Variants in NINJ2 observed in about 807,000 individuals in gnomAD.
The protein encoded by NINJ2 is ninjurin 2.
A neutral mutation model predicts 11.7 loss-of-function variants in NINJ2; 12 were observed. The ratio of observed to expected loss-of-function variants is 1.02; its 90% confidence interval spans 0.66 to 1.66. The LOEUF (loss-of-function observed/expected upper bound fraction) is 1.66, where lower values mean the gene tolerates loss of function less well. Ranked by LOEUF, NINJ2 falls within the 40% of genes most tolerant of loss-of-function variation. NINJ2 has a pLI of 0.00. For synonymous variants in NINJ2, 93 were observed against 76.8 expected (o/e 1.21, Z -1.10); for missense variants, 187 against 181.8 (o/e 1.03, Z -0.16).
rs149695710 is a variant in NINJ2, at chr12:657,315, C to T, written c.33+6013G>A. On this transcript the variant is annotated intron_variant, in intron 1 of 3. Coordinates refer to ENST00000305108, the MANE Select transcript of NINJ2 (RefSeq NM_016533.6). Reference sequence around the variant, plus strand: ...TCAACAACAAGAAAATAAGGCCGGGCGCAGTGGCTCACACCTGTAATCCCA... The same window carrying T: ...TCAACAACAAGAAAATAAGGCCGGGTGCAGTGGCTCACACCTGTAATCCCA... Among the ~76,000 whole-genome samples the T allele has an allele frequency of 7.0e-3, 1,059 of 152,250 alleles. 2 individuals carry two copies. The highest frequency in any genetic ancestry group is 0.01 in the Middle Eastern group (3 of 294).
chr12:646,124 A>T (rs933505519), intron 1 of NINJ2, among the ~76,000 whole-genome samples: 2 of 152,210 alleles, frequency 1.3e-5, no homozygotes, highest in Non-Finnish European at 2.9e-5. Context: ...GAAACAGCAC[A>T]GGCAGTACTG....
chr12:662,319 C>G (rs985318355), intron 1 of NINJ2, among the ~76,000 whole-genome samples: 33 of 152,250 alleles, frequency 2.2e-4, no homozygotes, highest in African/African-American at 7.9e-4. Context: ...AGCAGTCCTA[C>G]AGTTCCCTGG....
chr12:595,919 T>C (rs898340652), intron 1 of NINJ2, among the ~76,000 whole-genome samples: 12 of 152,246 alleles, frequency 7.9e-5, no homozygotes, highest in Admixed American at 1.3e-4. Context: ...CAAGTAAGTA[T>C]ATAAAAAGAT....
intron 1 of NINJ2, among the ~76,000 whole-genome samples, chr12:616,162 G>C (rs1488729737): frequency 6.6e-6 from 1 of 152,220 alleles, no homozygotes. Context: ...GCCTGGACTA[G>C]ATTTTGAAGC....
chr12:607,504 T>A (rs1176319232), intron 1 of NINJ2, among the ~76,000 whole-genome samples: 2 of 152,076 alleles, frequency 1.3e-5, no homozygotes, highest in Non-Finnish European at 2.9e-5. Context: ...AAGCGCAATA[T>A]CCCAAGAAAC....
At position 599,047 on chromosome 12, in the gene NINJ2, G is replaced by A. The variant is rs1456199686; in HGVS notation, c.34-32869C>T. Among the ~76,000 whole-genome samples, 4 of 151,048 alleles carry A rather than the reference G, an allele frequency of 2.6e-5. No individual in the cohort carries two copies. The East Asian group carries it at 5.8e-4, about 22-fold the overall frequency. Reference sequence around the variant, plus strand: ...CAAGGATGTATTTCTTGTACCAGCCGAAAAAGAGAGAAATATTGAAATAAA... The same window carrying A: ...CAAGGATGTATTTCTTGTACCAGCCAAAAAAGAGAGAAATATTGAAATAAA... On this transcript the variant is annotated intron_variant, in intron 1 of 3. Coordinates refer to ENST00000305108, the MANE Select transcript of NINJ2 (RefSeq NM_016533.6).
intron 1 of NINJ2, among the ~76,000 whole-genome samples, chr12:604,805 G>T (rs1947919283): frequency 6.6e-6 from 1 of 152,168 alleles, no homozygotes; most frequent in African/African-American, 2.4e-5. Flanking sequence ...TACTTACAGA[G>T]CAGTTCAACC....
intron 1 of NINJ2, among the ~76,000 whole-genome samples, chr12:598,945 C>T (rs563306443): frequency 6.6e-6 from 1 of 152,142 alleles, no homozygotes; most frequent in African/African-American, 2.4e-5. Context: ...AGTGATCCAC[C>T]TGCCTCGGCC....
At chr12:572,316 C>T (rs1947389693) in intron 1 of NINJ2, among the ~76,000 whole-genome samples, 1 of 152,222 alleles carries the variant, frequency 6.6e-6, no homozygotes, top group Non-Finnish European at 1.5e-5. Flanking sequence ...TGCCAGCGCA[C>T]AGTCAGGGCT....
rs1225488360 is a variant in NINJ2 at position 565,257 on chromosome 12, C to T, written c.407G>A (p.Arg136Lys). 21 of 1,613,900 alleles carry T rather than the reference C, an allele frequency of 1.3e-5. No homozygotes were observed. Among genetic ancestry groups the T allele is most frequent in the Non-Finnish European group, 1.8e-5 (21 of 1,179,944 alleles). ...GAHKTGFLAARASRNPL is the reference protein window; with the variant it reads ...GAHKTGFLAAKASRNPL ...CATTCAGAGAGGATTCCTTGAGGCC[C>T]TGGCAGCCAGGAACCCTGTTTTATG... is the stretch of plus-strand genomic sequence containing the variant. The change falls in exon 3 of 4, where the codon AGG becomes AAG. Residue 136 changes from arginine to lysine, a missense_variant. Arg to Lys is a conservative substitution (Grantham distance 26). Coordinates refer to ENST00000305108, the MANE Select transcript of NINJ2 (RefSeq NM_016533.6).
intron 1 of NINJ2, among the ~76,000 whole-genome samples, chr12:570,459 G>A (rs1947361136): frequency 6.6e-6 from 1 of 152,220 alleles, no homozygotes. Flanking sequence ...CCCAGGGACT[G>A]GGAGCAACTC....
intron 1 of NINJ2, among the ~76,000 whole-genome samples, chr12:567,016 A>C (rs1947309654): frequency 6.6e-6 from 1 of 152,248 alleles, no homozygotes; most frequent in Non-Finnish European, 1.5e-5. Flanking sequence ...AGATTGATTT[A>C]GCAGTGGTGC....
intron 1 of NINJ2, among the ~76,000 whole-genome samples, chr12:600,835 C>T (rs1411884890): frequency 6.6e-6 from 1 of 152,042 alleles, no homozygotes; most frequent in Non-Finnish European, 1.5e-5. Context: ...GCATGAGCCA[C>T]CATGCCTGGC....
At chr12:589,234 C>T (rs1303696470) in intron 1 of NINJ2, among the ~76,000 whole-genome samples, 1 of 152,062 alleles carries the variant, frequency 6.6e-6, no homozygotes, top group Non-Finnish European at 1.5e-5. Flanking sequence ...TGTTCTTGTT[C>T]AATCAGTAAA....
rs765113142 is a variant in NINJ2 at position 565,398 on chromosome 12, C to G, written c.266G>C (p.Arg89Pro). 5.6e-6 allele frequency: 9 copies of G among 1,613,756 alleles called. No homozygotes were observed. The highest frequency in any genetic ancestry group is 7.6e-6 in the Non-Finnish European group (9 of 1,179,924). Residue 89 changes from arginine (R) to proline (P), a missense_variant, in exon 3 of 4, where the codon CGG (arginine) becomes CCG (proline). Coordinates refer to ENST00000305108, the MANE Select transcript of NINJ2 (RefSeq NM_016533.6). ...CTTTTCTACCTCATTCAGGTTCAGC[C>G]GTGCTGCAGGGAAGTGGAGTGGGGG... ...VIGVLLVVIA[R>P]LNLNEVEKQW...
intron 1 of NINJ2, among the ~76,000 whole-genome samples, chr12:596,394 G>A (rs986519874): frequency 6.6e-6 from 1 of 152,184 alleles, no homozygotes; most frequent in South Asian, 2.1e-4. Flanking sequence ...TGTCAACGCA[G>A]CTTCATTAGC....
At chr12:583,470 C>A (rs1279668968) in intron 1 of NINJ2, among the ~76,000 whole-genome samples, 1 of 152,256 alleles carries the variant, frequency 6.6e-6, no homozygotes, top group African/African-American at 2.4e-5. Flanking sequence ...AGGCTGCCAC[C>A]TGGCACCTGC....
At chr12:622,907 C>T (rs1339774043) in intron 1 of NINJ2, among the ~76,000 whole-genome samples, 1 of 152,096 alleles carries the variant, frequency 6.6e-6, no homozygotes, top group African/African-American at 2.4e-5. Context: ...GTTAGGAAAA[C>T]CTGCTCTTGT....
At chr12:610,524 A>G in intron 1 of NINJ2, 1 of 1,495,622 alleles carries the variant, frequency 6.7e-7, no homozygotes, top group South Asian at 1.3e-5. Context: ...CGGCCAGCCC[A>G]GGGCCCTGCA....
Sources: gnomAD v4.1 joint callset for allele counts (sites outside exome capture counted in the v4.1 genomes callset) on GRCh38, gnomAD v4.1.1 for gene constraint, MANE v1.5 for transcripts, NCBI Gene and HGNC (gene_info 2026-07-23, HGNC 2026-07-21) for gene names.